Variants in MUC3A observed in about 807,000 individuals in gnomAD.
MUC3A encodes mucin-3A.
MUC3A carries 109 observed loss-of-function variants against 109.0 expected under a neutral mutation model. That is an observed-to-expected ratio of 1.00 (90% CI 0.86 to 1.17). The LOEUF is 1.17. MUC3A is among the 50% of genes most tolerant of loss of function. The pLI, the probability that MUC3A is intolerant of heterozygous loss-of-function variation, is 0.00. For missense variants in MUC3A, 3,537 were observed against 2,469.4 expected, an observed-to-expected ratio of 1.43 and a Z score of -9.16; for synonymous variants, 1,398 against 981.4, an observed-to-expected ratio of 1.42 and a Z score of -7.93.
Position 100,957,969 on chromosome 7 carries a change from A to G in MUC3A, c.6190A>G (p.Thr2064Ala). 1.2e-5 allele frequency: 8 copies of G among 661,962 alleles called. No individual in the cohort carries two copies. The highest frequency in any genetic ancestry group is 1.6e-5 in the Non-Finnish European group (6 of 379,988). The allele number at this position is 661,962 out of a possible 1,614,324, so 41.0% of individuals were successfully genotyped here. A position where few individuals can be genotyped will look rare whatever the true frequency, so the allele number is the denominator to read the frequency against. ...TACTCCCAGCTTCACTTCATTGATC[A>G]CCATCACCGAGATCACCTCACACAG... ...HSTPSFTSLI[T>A]ITEITSHSTL... Residue 2064 changes from threonine (T) to alanine (A), a missense_variant, in exon 2 of 12, where the codon ACC becomes GCC. Physicochemically the swap from Thr to Ala is moderately conservative, Grantham distance 58. Transcript: ENST00000379458.
At position 100,959,519 on chromosome 7, in the gene MUC3A, C is replaced by T. The variant is rs768522500; in HGVS notation, c.7740C>T (p.Thr2580=). The part of the protein sequence containing the change: ...IVVIPETPTQ[T]PPVLTSATGT... ...TTATACCTGAAACCCCAACACAGACCCCTCCTGTACTGACGTCAGCCACTG... is the reference window on the plus strand; with the variant it reads ...TTATACCTGAAACCCCAACACAGACTCCTCCTGTACTGACGTCAGCCACTG... Residue 2580 remains threonine, a synonymous_variant, in exon 2 of 12, where the codon ACC becomes ACT. Transcript: ENST00000379458. 13 of 1,583,840 alleles carry T rather than the reference C, an allele frequency of 8.2e-6. No individual in the cohort carries two copies. The African/African-American group carries it at 1.6e-4, about 20-fold the overall frequency.
rs73163752 is a variant in MUC3A, at chr7:100,952,244, C to A, written c.465C>A (p.Ser155Arg). 3.1e-6 allele frequency: 5 copies of A among 1,597,846 alleles called. No homozygotes were observed. Among genetic ancestry groups the A allele is most frequent in the Non-Finnish European group, 4.2e-6 (5 of 1,179,250 alleles). ...CCACGACGCAGGTGGCCTTCACCAGCTCTTACACCTCGACTCCCGTGACAC... is the reference window on the plus strand; with the variant it reads ...CCACGACGCAGGTGGCCTTCACCAGATCTTACACCTCGACTCCCGTGACAC... ...CVTTTQVAFT[S>R]SYTSTPVTQK... Residue 155 changes from serine (S) to arginine (R), a missense_variant, in exon 2 of 12, where the codon AGC (serine) becomes AGA (arginine). By Grantham distance (110) the Ser-to-Arg change is moderately radical (BLOSUM62 -1). Transcript: ENST00000379458.
Position 100,954,944 on chromosome 7 carries a change from C to G in MUC3A, c.3165C>G (p.Ile1055Met), listed in dbSNP as rs1792061733. The change falls in exon 2 of 12, where the codon ATC (isoleucine) becomes ATG (methionine). Residue 1055 changes from isoleucine (I) to methionine (M), a missense_variant. Coordinates refer to ENST00000379458, the MANE Select transcript of MUC3A (RefSeq NM_005960.2). ...SSTPVPSTEM[I>M]TSHTTNTTPL... Reference sequence around the variant, plus strand: ...CACCTGTCCCAAGCACAGAAATGATCACCAGTCATACCACAAACACCACCC... The same window carrying G: ...CACCTGTCCCAAGCACAGAAATGATGACCAGTCATACCACAAACACCACCC... The G allele has an allele frequency of 3.7e-6, 2 of 544,458 alleles. No homozygotes were observed. The highest frequency in any genetic ancestry group is 6.5e-6 in the Non-Finnish European group (2 of 309,700). 33.7% of individuals were successfully genotyped at this position (544,458 alleles called of 1,614,324 possible).
chr7:100,962,593 A>T (rs1291266206), intron 3 of MUC3A, among the ~76,000 whole-genome samples: 5 of 152,246 alleles, frequency 3.3e-5, no homozygotes, highest in Non-Finnish European at 7.3e-5. Flanking sequence ...GCCTGCTTTC[A>T]CTCATCTCCA....
At chr7:100,961,879 G>A (rs1323034633) in intron 3 of MUC3A, among the ~76,000 whole-genome samples, 2 of 152,302 alleles carry the variant, frequency 1.3e-5, no homozygotes, top group African/African-American at 2.4e-5. Flanking sequence ...AGGCCGAGGA[G>A]GGAGTATCGC....
At chr7:100,951,362 C>G (rs992925131) in intron 1 of MUC3A, among the ~76,000 whole-genome samples, 29 of 152,384 alleles carry the variant, frequency 1.9e-4, no homozygotes, top group African/African-American at 6.5e-4. Context: ...TGGCTGGGTT[C>G]TCTCTTTTTC....
At chr7:100,964,535 A>G in intron 5 of MUC3A, 160 bp from the exon 6 acceptor site, 1 of 1,226,064 alleles carries the variant, frequency 8.2e-7, no homozygotes, top group Non-Finnish European at 1.1e-6. Flanking sequence ...CAAGTCAGGA[A>G]TGCTGGCAGC....
In MUC3A at chr7:100,952,139, G is replaced by C. The variant is rs751815132; in HGVS notation, c.360G>C (p.Leu120Phe). The C allele has an allele frequency of 6.3e-7, 1 of 1,598,546 alleles. No individual in the cohort carries two copies. Among genetic ancestry groups the C allele is most frequent in the Non-Finnish European group, 8.5e-7 (1 of 1,179,756 alleles). The change falls in exon 2 of 12, where the codon TTG becomes TTC. Residue 120 changes from leucine to phenylalanine, a missense_variant. Coordinates refer to ENST00000379458, the MANE Select transcript of MUC3A (RefSeq NM_005960.2). Reference protein sequence around the residue: ...FKVETTPPTVLVYSATTECVY... With the variant: ...FKVETTPPTVFVYSATTECVY... The stretch of plus-strand genomic sequence containing the variant: ...TTGAAACCACTCCACCCACCGTGTT[G>C]GTCTATTCAGCCACCACTGAGTGCG...
Position 100,959,914 on chromosome 7 carries a change from C to T in MUC3A, c.8135C>T (p.Ser2712Phe), listed in dbSNP as rs748349975. Reference sequence around the variant, plus strand: ...TCCACTACCATTCATTCTGTTCCTTCTTCACCATACATTTTCAGTACAGAA... The same window carrying T: ...TCCACTACCATTCATTCTGTTCCTTTTTCACCATACATTTTCAGTACAGAA... The part of the protein sequence containing the change: ...VFSTTIHSVP[S>F]SPYIFSTENV... The change falls in exon 2 of 12, where the codon TCT becomes TTT. Residue 2712 changes from serine (S) to phenylalanine (F), a missense_variant. By Grantham distance (155) the Ser-to-Phe change is radical. Coordinates refer to ENST00000379458, the MANE Select transcript of MUC3A (RefSeq NM_005960.2). 4.6e-6 allele frequency: 7 copies of T among 1,523,178 alleles called. No homozygotes were observed. Among genetic ancestry groups the T allele is most frequent in the South Asian group, 1.3e-5 (1 of 76,604 alleles). 94.4% of individuals were successfully genotyped at this position (1,523,178 alleles called of 1,614,324 possible). A position where few individuals can be genotyped will look rare whatever the true frequency, so the allele number is the denominator to read the frequency against.
chr7:100,953,324 A>C lies in MUC3A; in HGVS notation c.1545A>C (p.Val515=). 1.9e-6 allele frequency: 1 copy of C among 525,632 alleles called. No individual in the cohort carries two copies. Among genetic ancestry groups the C allele is most frequent in the Admixed American group, 3.6e-5 (1 of 27,850 alleles). The allele number at this position is 525,632 out of a possible 1,614,324, so 32.6% of individuals were successfully genotyped here. A position where few individuals can be genotyped will look rare whatever the true frequency, so the allele number is the denominator to read the frequency against. ...ATTPNVRPTF[V]STLSTPTSSL... ...CTCCCAATGTGAGACCAACTTTTGT[A>C]AGTACACTCAGCACTCCTACAAGTT... Residue 515 remains valine, a synonymous_variant, in exon 2 of 12, where the codon GTA becomes GTC. Coordinates refer to ENST00000379458, the MANE Select transcript of MUC3A (RefSeq NM_005960.2).
chr7:100,960,748 C>A lies in MUC3A; in HGVS notation c.8867-4C>A. Reference sequence around the variant, plus strand: ...GAGCTTCCCTTTCTTTCTGTGTTTTCCAGGCACCTGTGACAATGGTGGCAC... The same window carrying A: ...GAGCTTCCCTTTCTTTCTGTGTTTTACAGGCACCTGTGACAATGGTGGCAC... On this transcript the variant is annotated splice_region_variant and splice_polypyrimidine_tract_variant and intron_variant, in intron 2 of 11. Transcript: ENST00000379458. 1 of 1,596,190 alleles carries A rather than the reference C, an allele frequency of 6.3e-7. No individual in the cohort carries two copies.
In MUC3A at chr7:100,965,337, G is replaced by A. The variant is rs755597034; in HGVS notation, c.9438G>A (p.Leu3146=). The A allele has an allele frequency of 3.1e-6, 5 of 1,598,858 alleles. No homozygotes were observed. Among genetic ancestry groups the A allele is most frequent in the African/African-American group, 2.7e-5 (2 of 75,072 alleles). ...IKVNNNSKTE[L]TPAAICRRAA... ...TGAACAACAACAGCAAGACAGAGCT[G>A]ACCCCGGCAGGTAAGGGTGGGGTAA... Residue 3146 remains leucine (L), a synonymous_variant, in exon 7 of 12, where the codon CTG becomes CTA. Coordinates refer to ENST00000379458, the MANE Select transcript of MUC3A (RefSeq NM_005960.2).
In MUC3A at chr7:100,959,253, C is replaced by G. The variant is rs776537442; in HGVS notation, c.7474C>G (p.Leu2492Val). 2.6e-5 allele frequency: 41 copies of G among 1,596,738 alleles called. No individual in the cohort carries two copies. Among genetic ancestry groups the G allele is most frequent in the South Asian group, 8.8e-5 (8 of 90,874 alleles). Reference protein sequence around the residue: ...TDIPTTSLRTLTPSSVGTSTS... With the variant: ...TDIPTTSLRTVTPSSVGTSTS... Reference sequence around the variant, plus strand: ...CATCCCGACCACAAGCCTACGAACTCTCACCCCTTCGTCTGTGGGCACCAG... The same window carrying G: ...CATCCCGACCACAAGCCTACGAACTGTCACCCCTTCGTCTGTGGGCACCAG... The change falls in exon 2 of 12, where the codon CTC (leucine) becomes GTC (valine). Residue 2492 changes from leucine (L) to valine (V), a missense_variant. Coordinates refer to ENST00000379458, the MANE Select transcript of MUC3A (RefSeq NM_005960.2).
rs1792142127 is a variant in MUC3A, at chr7:100,957,813, T to C, written c.6034T>C (p.Ser2012Pro). 1 of 764,628 alleles carries C rather than the reference T, an allele frequency of 1.3e-6. No homozygotes were observed. Among genetic ancestry groups the C allele is most frequent in the African/African-American group, 2.5e-5 (1 of 40,326 alleles). The allele number at this position is 764,628 out of a possible 1,614,324, so 47.4% of individuals were successfully genotyped here. The change falls in exon 2 of 12, where the codon TCC becomes CCC. Residue 2012 changes from serine (S) to proline (P), a missense_variant. Coordinates refer to ENST00000379458, the MANE Select transcript of MUC3A (RefSeq NM_005960.2). ...TSHSTPSFTSSITTTETTSHN... is the reference protein window; with the variant it reads ...TSHSTPSFTSPITTTETTSHN... ...ACACAGTACTCCCAGCTTCACTTCTTCCATCACCACCACTGAGACCACATC... is the reference window on the plus strand; with the variant it reads ...ACACAGTACTCCCAGCTTCACTTCTCCCATCACCACCACTGAGACCACATC...
In MUC3A at chr7:100,957,219, A is replaced by T. The variant is rs1792121112; in HGVS notation, c.5440A>T (p.Thr1814Ser). 4 of 475,674 alleles carry T rather than the reference A, an allele frequency of 8.4e-6. No individual in the cohort carries two copies. In the South Asian group the frequency reaches 2.0e-4, roughly 23 times the overall value. 29.5% of individuals were successfully genotyped at this position (475,674 alleles called of 1,614,324 possible). Residue 1814 changes from threonine (T) to serine (S), a missense_variant, in exon 2 of 12, where the codon ACA (threonine) becomes TCA (serine). Thr to Ser is a moderately conservative substitution (Grantham distance 58). Transcript: ENST00000379458. Reference protein sequence around the residue: ...PSTEAITSGTTNTTPLSTLVT... With the variant: ...PSTEAITSGTSNTTPLSTLVT... ...TACAGAAGCGATCACCAGTGGTACC[A>T]CAAACACCACCCCTCTATCTACATT... is the stretch of plus-strand genomic sequence containing the variant.
Position 100,960,112 on chromosome 7 carries a change from T to C in MUC3A, c.8333T>C (p.Val2778Ala). 6.5e-7 allele frequency: 1 copy of C among 1,538,188 alleles called. No individual in the cohort carries two copies. Among genetic ancestry groups the C allele is most frequent in the South Asian group, 1.3e-5 (1 of 79,618 alleles). Reference sequence around the variant, plus strand: ...CCAGGAACTATAACAATTACCATAGTCCCTGCCTCCCCCACTGATCCATGT... The same window carrying C: ...CCAGGAACTATAACAATTACCATAGCCCCTGCCTCCCCCACTGATCCATGT... ...PCPGTITITI[V>A]PASPTDPCVE... Residue 2778 changes from valine (V) to alanine (A), a missense_variant, in exon 2 of 12, where the codon GTC (valine) becomes GCC (alanine). Coordinates refer to ENST00000379458, the MANE Select transcript of MUC3A (RefSeq NM_005960.2).
rs1584802876 is a variant in MUC3A at position 100,957,510 on chromosome 7, A to G, written c.5731A>G (p.Ile1911Val). 2 of 1,558,122 alleles carry G rather than the reference A, an allele frequency of 1.3e-6. No individual in the cohort carries two copies. ...SHSTPSFTSS[I>V]ATTETPSHST... ...CAGTACTCCTAGCTTCACTTCTTCA[A>G]TCGCAACCACCGAGACCCCCTCACA... is the stretch of plus-strand genomic sequence containing the variant. Residue 1911 changes from isoleucine to valine, a missense_variant, in exon 2 of 12, where the codon ATC becomes GTC. Coordinates refer to ENST00000379458, the MANE Select transcript of MUC3A (RefSeq NM_005960.2).
intron 1 of MUC3A, among the ~76,000 whole-genome samples, chr7:100,950,956 A>T (rs1031826574): frequency 6.6e-6 from 1 of 152,200 alleles, no homozygotes; most frequent in South Asian, 2.1e-4. Context: ...TGAAGTCATT[A>T]GTGTGTGAGC....
intron 1 of MUC3A, among the ~76,000 whole-genome samples, chr7:100,950,916 C>T (rs1791918255): frequency 6.6e-6 from 1 of 152,298 alleles, no homozygotes; most frequent in Admixed American, 6.5e-5. Flanking sequence ...GTCTCTCTGC[C>T]TCTTCACCTA....
Sources: gnomAD v4.1 joint callset for allele counts (sites outside exome capture counted in the v4.1 genomes callset) on GRCh38, gnomAD v4.1.1 for gene constraint, MANE v1.5 for transcripts, NCBI Gene and HGNC (gene_info 2026-07-23, HGNC 2026-07-21) for gene names.